Variants in CSNK1G1 observed in about 807,000 individuals in gnomAD.
CSNK1G1 encodes the protein casein kinase 1 gamma 1.
A neutral mutation model predicts 59.6 loss-of-function variants in CSNK1G1; 22 were observed. That is an observed-to-expected ratio of 0.37 (90% CI 0.26 to 0.53). The LOEUF is 0.53. CSNK1G1 is among the 20% of genes least tolerant of loss of function. CSNK1G1 has a pLI of 0.89. For synonymous variants in CSNK1G1, 179 were observed against 177.1 expected, an observed-to-expected ratio of 1.01 and a Z score of -0.08; for missense variants, 384 against 519.5, an observed-to-expected ratio of 0.74 and a Z score of 2.54.
intron 2 of CSNK1G1, among the ~76,000 whole-genome samples, chr15:64,295,278 T>C (rs1387460985): frequency 6.6e-6 from 1 of 152,190 alleles, no homozygotes; most frequent in African/African-American, 2.4e-5. Context: ...GGGAGTTATT[T>C]ATATACACTG....
In CSNK1G1 at chr15:64,171,597, G is replaced by A. The variant is rs1417952993; in HGVS notation, c.*334C>T. ...GGGTAAAAACCAGGAGTAAACTAAGGGGAAGAAGGAGAATAGCAGTCCTTG... is the reference window on the plus strand; with the variant it reads ...GGGTAAAAACCAGGAGTAAACTAAGAGGAAGAAGGAGAATAGCAGTCCTTG... On this transcript the variant is annotated 3_prime_UTR_variant, in exon 12 of 12. Transcript: ENST00000303052. The surrounding 1 kb of genome is among the most constrained non-coding windows in gnomAD (Gnocchi z 4.8). 4 of 323,502 alleles carry A rather than the reference G, an allele frequency of 1.2e-5. No individual in the cohort carries two copies. The highest frequency in any genetic ancestry group is 1.7e-5 in the Non-Finnish European group (3 of 172,564). 20.0% of individuals were successfully genotyped at this position (323,502 alleles called of 1,614,324 possible).
Position 64,180,395 on chromosome 15 carries a change from A to G in CSNK1G1, c.1167T>C (p.Asn389=). Residue 389 remains asparagine, a synonymous_variant, in exon 11 of 12, where the codon AAT becomes AAC. Transcript: ENST00000303052. ...CCTCGGCATGAGCTGTGATTGGTGC[A>G]TTGGAGTGGGCTCCCGTGGGATCAT... ...NVDDPTGAHS[N]APITAHAEVE... is the part of the protein sequence containing the mutation. 1 of 1,614,172 alleles carries G rather than the reference A, an allele frequency of 6.2e-7. No individual in the cohort carries two copies. Among genetic ancestry groups the G allele is most frequent in the South Asian group, 1.1e-5 (1 of 91,088 alleles).
chr15:64,301,856 C>T lies in CSNK1G1; in HGVS notation c.-224-1133G>A, dbSNP rs147954268. On this transcript the variant is annotated intron_variant, in intron 1 of 11. Coordinates refer to ENST00000303052, the MANE Select transcript of CSNK1G1 (RefSeq NM_022048.5). Reference sequence around the variant, plus strand: ...GAGCCGAGCTCGTGCTACTGCACTCCCACCTGAGTGACAGAGTGAGACTCC... The same window carrying T: ...GAGCCGAGCTCGTGCTACTGCACTCTCACCTGAGTGACAGAGTGAGACTCC... Among the ~76,000 whole-genome samples the T allele has an allele frequency of 1.3e-3, 196 of 151,922 alleles. 2 individuals are homozygous for T. The East Asian group carries it at 0.025, about 20-fold the overall frequency.
At chr15:64,276,260 G>A (rs945393468) in intron 2 of CSNK1G1, among the ~76,000 whole-genome samples, 1 of 152,162 alleles carries the variant, frequency 6.6e-6, no homozygotes, top group African/African-American at 2.4e-5. Context: ...GTGGTGGGCA[G>A]AAAAACTGGA....
Position 64,166,284 on chromosome 15 carries a change from C to T in CSNK1G1, c.*5647G>A, listed in dbSNP as rs1487785170. 2.9e-6 allele frequency: 1 copy of T among 349,452 alleles called. No individual in the cohort carries two copies. The highest frequency in any genetic ancestry group is 4.3e-5 in the East Asian group (1 of 23,390). The allele number at this position is 349,452 out of a possible 1,614,324, so 21.6% of individuals were successfully genotyped here. Reference sequence around the variant, plus strand: ...TAATAAATTAGAGCATGTAATACATCCTATGGGAATTGCTGAATCAACATT... The same window carrying T: ...TAATAAATTAGAGCATGTAATACATTCTATGGGAATTGCTGAATCAACATT... On this transcript the variant is annotated 3_prime_UTR_variant, in exon 12 of 12. Coordinates refer to ENST00000303052, the MANE Select transcript of CSNK1G1 (RefSeq NM_022048.5). The surrounding 1 kb of genome is among the most constrained non-coding windows in gnomAD (Gnocchi z 4.5).
At chr15:64,268,001 G>T (rs982956236) in intron 2 of CSNK1G1, among the ~76,000 whole-genome samples, 1 of 152,048 alleles carries the variant, frequency 6.6e-6, no homozygotes, top group Non-Finnish European at 1.5e-5. Context: ...TTGGGGAGGG[G>T]AGGGGAGGAA....
At chr15:64,248,794 C>T (rs992121017) in intron 4 of CSNK1G1, among the ~76,000 whole-genome samples, 1 of 151,992 alleles carries the variant, frequency 6.6e-6, no homozygotes. Context: ...ACCATCCTGG[C>T]CAACATGGTG....
At chr15:64,219,333 C>A (rs917761985) in intron 4 of CSNK1G1, among the ~76,000 whole-genome samples, 17 of 152,144 alleles carry the variant, frequency 1.1e-4, no homozygotes, top group African/African-American at 4.1e-4. Context: ...GTTTGGGGAT[C>A]TTTTAAATTT....
At chr15:64,297,786 C>G (rs1407986531) in intron 2 of CSNK1G1, among the ~76,000 whole-genome samples, 1 of 151,964 alleles carries the variant, frequency 6.6e-6, no homozygotes, top group Non-Finnish European at 1.5e-5. Context: ...AGAAGCAGAG[C>G]TTTGTAGGTG....
At chr15:64,183,220 T>C (rs1162933064) in intron 10 of CSNK1G1, among the ~76,000 whole-genome samples, 2 of 152,202 alleles carry the variant, frequency 1.3e-5, no homozygotes, top group Admixed American at 6.5e-5. Context: ...TTCTCCTCGC[T>C]ACAAATTGCC....
intron 10 of CSNK1G1, chr15:64,189,415 T>C: frequency 7.8e-7 from 1 of 1,288,984 alleles, no homozygotes; most frequent in Non-Finnish European, 1.0e-6. Flanking sequence ...TTTAGGTGCC[T>C]CTTCCCCTGT....
rs1232171500 is a variant in CSNK1G1, at chr15:64,200,294, A to G, written c.1107+2788T>C. Among the ~76,000 whole-genome samples, 2 of 151,746 alleles carry G rather than the reference A, an allele frequency of 1.3e-5. No individual in the cohort carries two copies. The highest frequency in any genetic ancestry group is 2.4e-5 in the African/African-American group (1 of 41,340). ...GACTGTGATATGACACTACTTATCT[A>G]TTTTTTCTTTACATACATTTTCTAC... On this transcript the variant is annotated intron_variant, in intron 10 of 11. Coordinates refer to ENST00000303052, the MANE Select transcript of CSNK1G1 (RefSeq NM_022048.5). This position sits in a 1 kb window ranked among gnomAD's most constrained non-coding sequence, Gnocchi z 4.3.
chr15:64,299,371 G>A (rs936992811), intron 2 of CSNK1G1, among the ~76,000 whole-genome samples: 3 of 151,962 alleles, frequency 2.0e-5, no homozygotes, highest in Non-Finnish European at 2.9e-5. Flanking sequence ...GGCGGATCAC[G>A]AAGTCAGAGG....
rs372498145 is a variant in CSNK1G1 at position 64,185,879 on chromosome 15, AG to A, written c.1108-5426del. On this transcript the variant is annotated intron_variant, in intron 10 of 11. Transcript: ENST00000303052. ...TCCATCTCGAAAAAAAAAAAAAAAAAGAGAGAAAAAGAAATATGCTTATTTT... is the reference window on the plus strand; with the variant it reads ...TCCATCTCGAAAAAAAAAAAAAAAAAAGAGAAAAAGAAATATGCTTATTTT... Among the ~76,000 whole-genome samples the A allele has an allele frequency of 6.3e-3, 948 of 150,622 alleles. 7 individuals carry two copies. The highest frequency in any genetic ancestry group is 1.0e-2 in the Non-Finnish European group (675 of 67,638).
At chr15:64,295,270 GAGTT>G (rs1894960121) in intron 2 of CSNK1G1, among the ~76,000 whole-genome samples, 1 of 152,120 alleles carries the variant, frequency 6.6e-6, no homozygotes, top group Non-Finnish European at 1.5e-5. Context: ...AGGCTGGTGG[GAGTT>G]ATTTATATAC....
intron 1 of CSNK1G1, among the ~76,000 whole-genome samples, chr15:64,314,516 C>T (rs921409256): frequency 2.0e-5 from 3 of 146,800 alleles, no homozygotes; most frequent in Non-Finnish European, 3.0e-5. Flanking sequence ...ATTCTCTCAG[C>T]AATTTTAAAA....
chr15:64,203,694 T>TAAA lies in CSNK1G1; in HGVS notation c.1000-508_1000-506dup, dbSNP rs531367701. On this transcript the variant is annotated intron_variant, in intron 9 of 11. Transcript: ENST00000303052. ...CCTGGGCAACAAGAGTGAAACTCCG[T>TAAA]AAAAAAAAAAAAAAAAAAAAAAAAA... 7.7e-4 allele frequency among the ~76,000 whole-genome samples: 43 copies of TAAA among 56,166 alleles called. 1 individual carries two copies. The highest frequency in any genetic ancestry group is 3.5e-3 in the South Asian group (6 of 1,730). 36.8% of individuals were successfully genotyped at this position (56,166 alleles called of 152,430 possible).
At chr15:64,259,952 C>T (rs966458134) in intron 2 of CSNK1G1, among the ~76,000 whole-genome samples, 6 of 152,158 alleles carry the variant, frequency 3.9e-5, no homozygotes, top group South Asian at 2.1e-4. Context: ...TATTCCCAGA[C>T]GTTTAGACTA....
chr15:64,250,386 T>C (rs1892009236), intron 4 of CSNK1G1, among the ~76,000 whole-genome samples: 3 of 152,200 alleles, frequency 2.0e-5, no homozygotes, highest in Admixed American at 6.5e-5. Flanking sequence ...CAATGACTCA[T>C]ATAATTCTAA....
Sources: gnomAD v4.1 joint callset for allele counts (sites outside exome capture counted in the v4.1 genomes callset) on GRCh38, gnomAD v4.1.1 for gene constraint, Gnocchi (gnomAD v3.1) non-coding constraint, MANE v1.5 for transcripts, NCBI Gene and HGNC (gene_info 2026-07-23, HGNC 2026-07-21) for gene names.